Variants in FAT4 observed in about 807,000 individuals in gnomAD.
FAT4 encodes FAT atypical cadherin 4, also known as protocadherin Fat 4.
FAT4 carries 84 observed loss-of-function variants against 303.9 expected under a neutral mutation model. The ratio of observed to expected loss-of-function variants is 0.28; its 90% CI spans 0.23 to 0.33. The LOEUF (loss-of-function observed/expected upper bound fraction) is 0.33, where lower values mean the gene tolerates loss of function less well. Among genes scored for constraint, FAT4 ranks in the 10% least tolerant of loss-of-function variants. The pLI is 1.00. For missense variants in FAT4, 6,005 were observed against 6,146.8 expected, an observed-to-expected ratio of 0.98 and a Z score of 0.77; for synonymous variants, 2,307 against 2,298.8, an observed-to-expected ratio of 1.00 and a Z score of -0.10.
At chr4:125,402,134 A>C (rs1035320896) in intron 3 of FAT4, among the ~76,000 whole-genome samples, 1 of 151,988 alleles carries the variant, frequency 6.6e-6, no homozygotes, top group Non-Finnish European at 1.5e-5. Context: ...TTATCAACAC[A>C]GCCTGATATG....
intron 2 of FAT4, among the ~76,000 whole-genome samples, chr4:125,388,020 G>A (rs1205526992): frequency 6.6e-6 from 1 of 152,170 alleles, no homozygotes; most frequent in Non-Finnish European, 1.5e-5. Flanking sequence ...CTTGGCTTCA[G>A]TCTAAAAACC....
chr4:125,479,698 C>T (rs769297656), intron 14 of FAT4, 43 bp from the exon 15 acceptor site: 4 of 1,468,838 alleles, frequency 2.7e-6, no homozygotes, highest in South Asian at 1.5e-5. Flanking sequence ...AACTTCTCCT[C>T]ATCTTTTATG....
chr4:125,446,815 A>G (rs1725843932), intron 9 of FAT4, among the ~76,000 whole-genome samples: 2 of 151,862 alleles, frequency 1.3e-5, no homozygotes, highest in African/African-American at 4.8e-5. Context: ...AATAATTAAC[A>G]TATATATTAC....
In FAT4 at chr4:125,336,316, T is replaced by C. The variant is rs73845980; in HGVS notation, c.5175+14730T>C. Among the ~76,000 whole-genome samples the C allele has an allele frequency of 2.0e-3, 299 of 152,160 alleles. 1 individual carries two copies. The highest frequency in any genetic ancestry group is 3.9e-3 in the Admixed American group (60 of 15,292). ...AATTTTTAAACATTGATTTTGCATTTATTTATTTTAAGTAAACTACAGAAT... is the reference window on the plus strand; with the variant it reads ...AATTTTTAAACATTGATTTTGCATTCATTTATTTTAAGTAAACTACAGAAT... On this transcript the variant is annotated intron_variant, in intron 2 of 17. Transcript: ENST00000394329.
rs750860648 is a variant in FAT4, at chr4:125,416,674, G to A, written c.7018+52G>A. Reference sequence around the variant, plus strand: ...TGTAGATAATTTCTAGGCCAGGCACGGTGGCTCATGCCTGTAACCCCAGCA... The same window carrying A: ...TGTAGATAATTTCTAGGCCAGGCACAGTGGCTCATGCCTGTAACCCCAGCA... On this transcript the variant is annotated intron_variant, in intron 7 of 17. Coordinates refer to ENST00000394329, the MANE Select transcript of FAT4 (RefSeq NM_001291303.3). 89 of 1,578,506 alleles carry A rather than the reference G, an allele frequency of 5.6e-5. No individual in the cohort carries two copies. In the Middle Eastern group the frequency reaches 1.0e-3, roughly 18 times the overall value.
intron 2 of FAT4, among the ~76,000 whole-genome samples, chr4:125,363,243 G>A (rs2710591): frequency 0.077 from 11,651 of 151,754 alleles, 649 homozygotes; most frequent in East Asian, 0.26. Context: ...ATAAAGCAAT[G>A]TGTTAATGAA....
chr4:125,430,024 G>A (rs545067299), intron 7 of FAT4, among the ~76,000 whole-genome samples: 1 of 152,150 alleles, frequency 6.6e-6, no homozygotes, highest in African/African-American at 2.4e-5. Flanking sequence ...GGTGGGATGA[G>A]GGGGGAGGGA....
intron 10 of FAT4, among the ~76,000 whole-genome samples, chr4:125,457,439 A>C (rs775925026): frequency 2.3e-4 from 35 of 152,280 alleles, no homozygotes; most frequent in Non-Finnish European, 4.6e-4. Context: ...AACCATGCAC[A>C]TAAGTATAAA....
Position 125,319,306 on chromosome 4 carries a change from G to C in FAT4, c.2895G>C (p.Glu965Asp). Residue 965 changes from glutamate (E) to aspartate (D), a missense_variant, in exon 2 of 18, where the codon GAG becomes GAC. Glu to Asp is a conservative substitution (Grantham distance 45). Coordinates refer to ENST00000394329, the MANE Select transcript of FAT4 (RefSeq NM_001291303.3). ...LDVHAGSYQI[E>D]ILASDMGVPQ... Reference sequence around the variant, plus strand: ...TTCATGCTGGCTCCTACCAAATAGAGATCTTGGCATCTGACATGGGTGTCC... The same window carrying C: ...TTCATGCTGGCTCCTACCAAATAGACATCTTGGCATCTGACATGGGTGTCC... 11 of 1,614,092 alleles carry C rather than the reference G, an allele frequency of 6.8e-6. No individual in the cohort carries two copies. Among genetic ancestry groups the C allele is most frequent in the Non-Finnish European group, 9.3e-6 (11 of 1,180,020 alleles).
Position 125,446,325 on chromosome 4 carries a change from C to T in FAT4, c.7232C>T (p.Thr2411Met), listed in dbSNP as rs372786128. 22 of 1,612,888 alleles carry T rather than the reference C, an allele frequency of 1.4e-5. No homozygotes were observed. The highest frequency in any genetic ancestry group is 2.2e-5 in the South Asian group (2 of 91,036). Residue 2411 changes from threonine to methionine, a missense_variant, in exon 9 of 18, where the codon ACG (threonine) becomes ATG (methionine). Coordinates refer to ENST00000394329, the MANE Select transcript of FAT4 (RefSeq NM_001291303.3). Reference sequence around the variant, plus strand: ...ATCATCGGTGGAAACTCTCAGTTCACGATCAACCCATCGACAGGACAAATC... The same window carrying T: ...ATCATCGGTGGAAACTCTCAGTTCATGATCAACCCATCGACAGGACAAATC... ...YRIIGGNSQF[T>M]INPSTGQIIT...
chr4:125,471,322 A>G (rs1726848444), intron 12 of FAT4, among the ~76,000 whole-genome samples: 1 of 152,228 alleles, frequency 6.6e-6, no homozygotes, highest in Non-Finnish European at 1.5e-5. Flanking sequence ...ATGCTGTTGG[A>G]AAAATGGTGC....
chr4:125,491,623 T>G lies in FAT4; in HGVS notation c.14807T>G (p.Leu4936Trp), dbSNP rs373636090. The G allele has an allele frequency of 8.1e-6, 13 of 1,614,044 alleles. No homozygotes were observed. The African/African-American group carries it at 1.5e-4, about 18-fold the overall frequency. ...GGGACTTTCAACTGGGACAACCTTTTGAACTGGGGCCCTGGCTTTGGCCAT... is the reference window on the plus strand; with the variant it reads ...GGGACTTTCAACTGGGACAACCTTTGGAACTGGGGCCCTGGCTTTGGCCAT... ...QAGTFNWDNL[L>W]NWGPGFGHYV... is the part of the protein sequence containing the mutation. Residue 4936 changes from leucine (L) to tryptophan (W), a missense_variant, in exon 18 of 18, where the codon TTG becomes TGG. Physicochemically the swap from Leu to Trp is moderately conservative, Grantham distance 61. Coordinates refer to ENST00000394329, the MANE Select transcript of FAT4 (RefSeq NM_001291303.3).
chr4:125,357,814 C>T (rs62321341), intron 2 of FAT4, among the ~76,000 whole-genome samples: 48,126 of 151,996 alleles, frequency 0.32, 8,264 homozygotes, highest in Non-Finnish European at 0.39. Flanking sequence ...TGGATGCTCT[C>T]GTTTGTTGTG....
chr4:125,451,829 A>T lies in FAT4; in HGVS notation c.10819A>T (p.Ile3607Leu), dbSNP rs945820499. The change falls in exon 10 of 18, where the codon ATA becomes TTA. Residue 3607 changes from isoleucine to leucine, a missense_variant. By Grantham distance (5) the Ile-to-Leu change is conservative. Transcript: ENST00000394329. ...CACAGGAACTGTGCATATCACAGTT[A>T]TAGACCAAAATGACAATCCTTCACA... ...SSTGTVHITV[I>L]DQNDNPSQSR... The T allele has an allele frequency of 6.2e-7, 1 of 1,614,082 alleles. No homozygotes were observed. The highest frequency in any genetic ancestry group is 2.2e-5 in the East Asian group (1 of 44,900).
chr4:125,468,899 A>T (rs1726766237), intron 12 of FAT4, 80 bp downstream of exon 12: 1 of 1,403,386 alleles, frequency 7.1e-7, no homozygotes, highest in Non-Finnish European at 9.7e-7. Flanking sequence ...AAATCATGTT[A>T]AATTAGGTTT....
At chr4:125,428,708 A>G (rs565756208) in intron 7 of FAT4, among the ~76,000 whole-genome samples, 28 of 152,334 alleles carry the variant, frequency 1.8e-4, no homozygotes, top group African/African-American at 6.5e-4. Context: ...ACTACATACA[A>G]CTTTACAAAT....
chr4:125,448,117 G>A (rs1253557636), intron 9 of FAT4, among the ~76,000 whole-genome samples: 1 of 152,096 alleles, frequency 6.6e-6, no homozygotes, highest in African/African-American at 2.4e-5. Context: ...ATGTTTCTTG[G>A]AATGTTGTTT....
Position 125,334,962 on chromosome 4 carries a change from G to A in FAT4, c.5175+13376G>A, listed in dbSNP as rs533397540. On this transcript the variant is annotated intron_variant, in intron 2 of 17. Transcript: ENST00000394329. ...TACTTCACATAATAAAATAGGGAAC[G>A]TATTTATCCACTGAGGTTGTAATTA... is the stretch of plus-strand genomic sequence containing the variant. Among the ~76,000 whole-genome samples the A allele has an allele frequency of 3.3e-5, 5 of 152,222 alleles. No homozygotes were observed. The South Asian group carries it at 6.2e-4, about 19-fold the overall frequency.
intron 7 of FAT4, among the ~76,000 whole-genome samples, chr4:125,433,624 T>G (rs1445214622): frequency 6.6e-6 from 1 of 152,196 alleles, no homozygotes; most frequent in African/African-American, 2.4e-5. Context: ...CATTTCACGT[T>G]ACATTGAATT....
Sources: allele counts gnomAD v4.1 joint callset (sites outside exome capture counted in the v4.1 genomes callset), GRCh38; gene constraint gnomAD v4.1.1; transcripts MANE v1.5; gene names NCBI Gene and HGNC (gene_info 2026-07-23, HGNC 2026-07-21).